The following TEX14 variants were observed in gnomAD, a reference collection of about 807,000 sequenced individuals.
TEX14 encodes testis expressed 14, intercellular bridge forming factor, also known as inactive serine/threonine-protein kinase TEX14.
Under a neutral mutation model 178.6 loss-of-function variants are expected in TEX14, and 168 were observed. The ratio of observed to expected loss-of-function variants is 0.94; its 90% CI spans 0.83 to 1.07. The LOEUF (loss-of-function observed/expected upper bound fraction) is 1.07, where lower values mean the gene tolerates loss of function less well. TEX14 is among the 50% of genes least tolerant of loss of function. The pLI is 0.00. For missense variants in TEX14, 1,730 were observed against 1,753.6 expected (o/e 0.99, Z 0.24); for synonymous variants, 626 against 634.1 (o/e 0.99, Z 0.19).
intron 28 of TEX14, among the ~76,000 whole-genome samples, chr17:58,563,703 C>CGA (rs1185109023): frequency 4.3e-4 from 7 of 16,296 alleles, no homozygotes; most frequent in Non-Finnish European, 6.7e-4. Flanking sequence ...AGAGAGAGAG[C>CGA]GCAAGATCAT....
chr17:58,641,871 G>T (rs1299853613), intron 2 of TEX14, among the ~76,000 whole-genome samples: 1 of 152,146 alleles, frequency 6.6e-6, no homozygotes, highest in Non-Finnish European at 1.5e-5. Context: ...GAGAATAGTT[G>T]ATTATTTCTC....
chr17:58,596,984 T>C (rs1053641926), intron 14 of TEX14, among the ~76,000 whole-genome samples: 2 of 152,168 alleles, frequency 1.3e-5, no homozygotes, highest in African/African-American at 4.8e-5. Context: ...TTCAGTATTG[T>C]ACAATGAAAG....
intron 19 of TEX14, among the ~76,000 whole-genome samples, chr17:58,580,690 A>T (rs2044791448): frequency 6.6e-6 from 1 of 152,196 alleles, no homozygotes; most frequent in Admixed American, 6.5e-5. Context: ...TCATATAGGT[A>T]AAAGATCCCA....
intron 1 of TEX14, chr17:58,679,817 C>G (rs552343005): frequency 4.6e-5 from 7 of 152,196 alleles, no homozygotes; most frequent in African/African-American, 1.4e-4. Context: ...ACTACAATAA[C>G]CCAGCACCTG....
Position 58,599,515 on chromosome 17 carries a change from G to A in TEX14, c.1830C>T (p.Pro610=), listed in dbSNP as rs150558945. 1.1e-5 allele frequency: 18 copies of A among 1,613,888 alleles called. No individual in the cohort carries two copies. The highest frequency in any genetic ancestry group is 8.5e-7 in the Non-Finnish European group (1 of 1,180,010). Residue 610 remains proline (P), a synonymous_variant, in exon 14 of 32, where the codon CCC becomes CCT. Coordinates refer to ENST00000349033, the MANE Select transcript of TEX14 (RefSeq NM_031272.5). ...APFMAEEASS[P]STGQPSLCSF... The stretch of plus-strand genomic sequence containing the variant: ...TGCAGAGGCTTGGCTGACCTGTGCT[G>A]GGGCTGCTGGCCTCTTCTGCCATAA...
At position 58,632,692 on chromosome 17, in the gene TEX14, T is replaced by C. The variant is rs922763258; in HGVS notation, c.137-2138A>G. On this transcript the variant is annotated intron_variant, in intron 2 of 31. Coordinates refer to ENST00000349033, the MANE Select transcript of TEX14 (RefSeq NM_031272.5). Reference sequence around the variant, plus strand: ...CACAGCTCACGCACCTAGGTCACGATAAGCGAACAGAATGTAGAGGAGGGG... The same window carrying C: ...CACAGCTCACGCACCTAGGTCACGACAAGCGAACAGAATGTAGAGGAGGGG... 2.0e-5 allele frequency among the ~76,000 whole-genome samples: 3 copies of C among 152,196 alleles called. 1 individual carries two copies. The highest frequency in any genetic ancestry group is 2.0e-4 in the Admixed American group (3 of 15,278).
intron 1 of TEX14, among the ~76,000 whole-genome samples, chr17:58,690,255 C>G (rs766127566): frequency 6.6e-6 from 1 of 151,994 alleles, no homozygotes; most frequent in African/African-American, 2.4e-5. Context: ...CAACCTCAAC[C>G]TCCCGGGCTC....
chr17:58,573,140 G>GT (rs1567713606), intron 23 of TEX14, 41 bp downstream of exon 23: 1 of 1,608,996 alleles, frequency 6.2e-7, no homozygotes, highest in Admixed American at 1.7e-5. Flanking sequence ...GGCTGGGGCT[G>GT]TAAGTCCTTC....
At chr17:58,678,517 C>T (rs1029740709) in intron 1 of TEX14, among the ~76,000 whole-genome samples, 4 of 152,066 alleles carry the variant, frequency 2.6e-5, no homozygotes, top group Non-Finnish European at 5.9e-5. Flanking sequence ...GAGTTCATGT[C>T]CTTTGTAGGG....
At chr17:58,678,112 T>G (rs187319434) in intron 1 of TEX14, among the ~76,000 whole-genome samples, 202 of 152,208 alleles carry the variant, frequency 1.3e-3, no homozygotes, top group Non-Finnish European at 2.6e-3. Context: ...ATGGTGCCAC[T>G]GCACTCCAGC....
At chr17:58,572,525 G>A (rs1175709207) in intron 23 of TEX14, among the ~76,000 whole-genome samples, 3 of 151,900 alleles carry the variant, frequency 2.0e-5, no homozygotes, top group Non-Finnish European at 2.9e-5. Context: ...CCAGCTACTC[G>A]GGAGGCTGAG....
Position 58,659,223 on chromosome 17 carries a change from G to A in TEX14, c.-1-7221C>T, listed in dbSNP as rs550167177. 76 of 221,768 alleles carry A rather than the reference G, an allele frequency of 3.4e-4. No homozygotes were observed. In the South Asian group the frequency reaches 0.015, roughly 43 times the overall value. The allele number at this position is 221,768 out of a possible 1,614,324, so 13.7% of individuals were successfully genotyped here. A position where few individuals can be genotyped will look rare whatever the true frequency, so the allele number is the denominator to read the frequency against. ...AGTTTTCTCATTCGGGGAAATCGCGGGAGCAAACACATAGTAAAAACCCTC... is the reference window on the plus strand; with the variant it reads ...AGTTTTCTCATTCGGGGAAATCGCGAGAGCAAACACATAGTAAAAACCCTC... On this transcript the variant is annotated intron_variant, in intron 1 of 31. Transcript: ENST00000349033.
chr17:58,651,965 C>A lies in TEX14; in HGVS notation c.37G>T (p.Val13Phe). Residue 13 changes from valine (V) to phenylalanine (F), a missense_variant, in exon 2 of 32, where the codon GTT becomes TTT. Coordinates refer to ENST00000349033, the MANE Select transcript of TEX14 (RefSeq NM_031272.5). ...RAVRLPVPCP[V>F]QLGTLRNDSL... ...TCATTTCTTAAGGTACCAAGTTGAA[C>A]AGGACAGGGGACTGGAAGACGAACA... 1 of 1,612,806 alleles carries A rather than the reference C, an allele frequency of 6.2e-7. No individual in the cohort carries two copies. The highest frequency in any genetic ancestry group is 8.5e-7 in the Non-Finnish European group (1 of 1,179,718).
Position 58,595,911 on chromosome 17 carries a change from G to T in TEX14, c.2470-2250C>A, listed in dbSNP as rs181868615. Among the ~76,000 whole-genome samples the T allele has an allele frequency of 2.0e-3, 309 of 152,330 alleles. 1 individual carries two copies. Among genetic ancestry groups the T allele is most frequent in the Non-Finnish European group, 3.4e-3 (231 of 68,036 alleles). ...ATATAAAAGTTATTTCAGGCCGGGC[G>T]CGGTCGCTCACACCTGTAATCCCAA... On this transcript the variant is annotated intron_variant, in intron 14 of 31. Coordinates refer to ENST00000349033, the MANE Select transcript of TEX14 (RefSeq NM_031272.5).
At chr17:58,602,649 GA>G in intron 11 of TEX14, 59 bp from the exon 12 acceptor site, 2 of 1,411,238 alleles carry the variant, frequency 1.4e-6, no homozygotes, top group Non-Finnish European at 1.9e-6. Flanking sequence ...GGAGTGGGGG[GA>G]AAAGAAATCA....
At chr17:58,655,808 G>T (rs1028244322) in intron 1 of TEX14, among the ~76,000 whole-genome samples, 1 of 152,148 alleles carries the variant, frequency 6.6e-6, no homozygotes, top group African/African-American at 2.4e-5. Flanking sequence ...AACCTTAGGC[G>T]CATAAGCTGG....
At chr17:58,614,910 A>G (rs2045835998) in intron 8 of TEX14, among the ~76,000 whole-genome samples, 1 of 152,218 alleles carries the variant, frequency 6.6e-6, no homozygotes, top group Admixed American at 6.5e-5. Flanking sequence ...ACAGGGCCCA[A>G]AGTGGGTGGA....
intron 19 of TEX14, 39 bp from the exon 20 acceptor site, chr17:58,579,770 A>C: frequency 6.7e-7 from 1 of 1,494,876 alleles, no homozygotes; most frequent in South Asian, 1.1e-5. Flanking sequence ...AAGGAGGTTC[A>C]CTGGAGGCAG....
rs771162846 is a variant in TEX14 at position 58,571,915 on chromosome 17, A to T, written c.3717+6T>A. On this transcript the variant is annotated splice_donor_region_variant and intron_variant, in intron 24 of 31. Coordinates refer to ENST00000349033, the MANE Select transcript of TEX14 (RefSeq NM_031272.5). ...TGAGTTTGTAACGTGGAATTGATAT[A>T]CTTACAAGACCAGTCAGTCTTGAAG... 6.2e-6 allele frequency: 10 copies of T among 1,611,954 alleles called. No individual in the cohort carries two copies. The highest frequency in any genetic ancestry group is 8.5e-6 in the Non-Finnish European group (10 of 1,178,436).
Sources: allele counts gnomAD v4.1 joint callset (sites outside exome capture counted in the v4.1 genomes callset), GRCh38; gene constraint gnomAD v4.1.1; transcripts MANE v1.5; gene names NCBI Gene and HGNC (gene_info 2026-07-23, HGNC 2026-07-21).